The following RBM4 variants were observed in gnomAD, a reference collection of about 807,000 sequenced individuals.
RBM4 encodes RNA-binding protein 4.
Under a neutral mutation model 29.5 loss-of-function variants are expected in RBM4, and 7 were observed. The observed-to-expected ratio is 0.24, with a 90% CI of 0.14 to 0.45. The LOEUF is 0.45. Among genes scored for constraint, RBM4 ranks in the 20% least tolerant of loss-of-function variants. The pLI, the probability that RBM4 is intolerant of heterozygous loss-of-function variation, is 1.00. For synonymous variants in RBM4, 220 were observed against 205.4 expected (o/e 1.07, Z -0.61); for missense variants, 387 against 502.3 (o/e 0.77, Z 2.19).
intron 2 of RBM4, among the ~76,000 whole-genome samples, chr11:66,662,237 C>G (rs1267866755): frequency 6.6e-6 from 1 of 152,086 alleles, no homozygotes; most frequent in Non-Finnish European, 1.5e-5. Context: ...GTGGAATAAA[C>G]CACATTTCAG....
In RBM4 at chr11:66,644,160, C is replaced by T. The variant is rs774314780; in HGVS notation, c.*8+20C>T. 1 of 1,589,406 alleles carries T rather than the reference C, an allele frequency of 6.3e-7. No homozygotes were observed. Among genetic ancestry groups the T allele is most frequent in the Non-Finnish European group, 8.6e-7 (1 of 1,167,476 alleles). On this transcript the variant is annotated intron_variant, in intron 3 of 3. Coordinates refer to ENST00000310092, the MANE Select transcript of RBM4 (RefSeq NM_002896.4). ...CTTGAGGTGAGAGGGGTGGGGTGTTCCCTCTTCTGGTTTTGCCATCCCTCC... is the reference window on the plus strand; with the variant it reads ...CTTGAGGTGAGAGGGGTGGGGTGTTTCCTCTTCTGGTTTTGCCATCCCTCC...
At chr11:66,655,359 G>C (rs1404980208) in intron 2 of RBM4, among the ~76,000 whole-genome samples, 1 of 151,256 alleles carries the variant, frequency 6.6e-6, no homozygotes, top group Non-Finnish European at 1.5e-5. Flanking sequence ...GGGTGATCTT[G>C]GCTCACTGCA....
At chr11:66,640,298 A>C in intron 2 of RBM4, 175 bp downstream of exon 2, 1 of 839,616 alleles carries the variant, frequency 1.2e-6, no homozygotes, top group Non-Finnish European at 1.8e-6. Context: ...TAGGGGCTTT[A>C]CCTTAGGCAA....
intron 2 of RBM4, among the ~76,000 whole-genome samples, chr11:66,652,015 T>A (rs188063701): frequency 3.9e-5 from 6 of 152,272 alleles, no homozygotes; most frequent in Admixed American, 3.9e-4. Flanking sequence ...GATATTTACC[T>A]AGTTATGATC....
At chr11:66,657,245 G>A (rs1476887698) in intron 2 of RBM4, among the ~76,000 whole-genome samples, 2 of 150,370 alleles carry the variant, frequency 1.3e-5, no homozygotes, top group Admixed American at 1.3e-4. Flanking sequence ...CTTCCAAGTA[G>A]CTGGAACTAC....
intron 2 of RBM4, among the ~76,000 whole-genome samples, chr11:66,658,018 C>A (rs926671241): frequency 6.6e-6 from 1 of 151,974 alleles, no homozygotes; most frequent in Non-Finnish European, 1.5e-5. Flanking sequence ...CCTAGTCTGA[C>A]CCTTTTTTAA....
intron 2 of RBM4, among the ~76,000 whole-genome samples, chr11:66,663,580 T>C (rs562231292): frequency 6.6e-6 from 1 of 152,202 alleles, no homozygotes; most frequent in South Asian, 2.1e-4. Context: ...TCGTGTGCCT[T>C]GGCCTCCCAA....
rs1938557589 is a variant in RBM4 at position 66,643,484 on chromosome 11, G to A, written c.447G>A (p.Arg149=). 1 of 1,613,640 alleles carries A rather than the reference G, an allele frequency of 6.2e-7. No individual in the cohort carries two copies. Among genetic ancestry groups the A allele is most frequent in the Admixed American group, 1.7e-5 (1 of 60,014 alleles). The change falls in exon 3 of 4, where the codon CGG becomes CGA. Residue 149 remains arginine, a synonymous_variant. Transcript: ENST00000310092. The surrounding 1 kb of genome is among the most constrained non-coding windows in gnomAD (Gnocchi z 6.1). ...TGCACGTGCAGTTGTCCACCAGCCG[G>A]CTTAGGACTGCGCCCGGGATGGGAG... ...KRMHVQLSTS[R]LRTAPGMGDQ...
At chr11:66,638,854 C>G (rs977195636) in intron 1 of RBM4, 102 bp downstream of exon 1, 1 of 152,428 alleles carries the variant, frequency 6.6e-6, no homozygotes, top group Non-Finnish European at 1.5e-5. Flanking sequence ...AGTCTCCACA[C>G]CCGTCACTGA....
In RBM4 at chr11:66,643,886, TGCCACAGCTGCTGCTGCAGCAGCA is replaced by T; in HGVS notation, c.853_876del (p.Thr285_Ala292del). The T allele has an allele frequency of 6.2e-7, 1 of 1,613,404 alleles. No homozygotes were observed. The highest frequency in any genetic ancestry group is 1.6e-4 in the Middle Eastern group (1 of 6,062). Reference sequence around the variant, plus strand: ...ACCTGTTGCCGACCTCAGGAGCTGCTGCCACAGCTGCTGCTGCAGCAGCAGCCGCTGCTGCTGTTACTGCAGCTT... The same window carrying T: ...ACCTGTTGCCGACCTCAGGAGCTGCTGCCGCTGCTGCTGTTACTGCAGCTT... On this transcript the variant is annotated inframe_deletion, in exon 3 of 4. Coordinates refer to ENST00000310092, the MANE Select transcript of RBM4 (RefSeq NM_002896.4). This position sits in a 1 kb window ranked among gnomAD's most constrained non-coding sequence, Gnocchi z 6.1.
intron 2 of RBM4, among the ~76,000 whole-genome samples, chr11:66,655,293 TC>T: frequency 6.6e-6 from 1 of 151,260 alleles, no homozygotes. Flanking sequence ...GCACTTCTTT[TC>T]TTTTTTTTTT....
exon 3 of RBM4, chr11:66,666,520 A>G: frequency 1.1e-6 from 1 of 885,040 alleles, no homozygotes; most frequent in South Asian, 5.2e-5. Context: ...TTTAAAAGTC[A>G]TCGCTAAAAA....
Position 66,646,332 on chromosome 11 carries a change from C to G in RBM4, c.*314C>G, listed in dbSNP as rs1380983584. 2.4e-6 allele frequency: 3 copies of G among 1,274,694 alleles called. No homozygotes were observed. Among genetic ancestry groups the G allele is most frequent in the Non-Finnish European group, 3.0e-6 (3 of 1,005,120 alleles). 79.0% of individuals were successfully genotyped at this position (1,274,694 alleles called of 1,614,324 possible). ...GTGCTGTCTCCTCCCTGCCTCCTGC[C>G]TCCTGCGGCTGTTGGATTTGGGAAT... is the stretch of plus-strand genomic sequence containing the variant. On this transcript the variant is annotated 3_prime_UTR_variant, in exon 4 of 4. Coordinates refer to ENST00000310092, the MANE Select transcript of RBM4 (RefSeq NM_002896.4).
intron 2 of RBM4, among the ~76,000 whole-genome samples, chr11:66,661,792 A>G (rs557256126): frequency 6.6e-6 from 1 of 152,276 alleles, no homozygotes; most frequent in South Asian, 2.1e-4. Context: ...CACTTTGGGA[A>G]GCCGAGGTGG....
intron 2 of RBM4, among the ~76,000 whole-genome samples, chr11:66,664,398 C>T (rs1318352124): frequency 1.3e-5 from 2 of 152,054 alleles, no homozygotes; most frequent in Non-Finnish European, 2.9e-5. Context: ...GATCTGCCTG[C>T]CTCGGTCTCC....
Position 66,638,738 on chromosome 11 carries a change from C to G in RBM4, c.-27C>G, listed in dbSNP as rs1250525746. ...TCCGCGCCGCGAGGAGGAGGCCCTG[C>G]TGGTTTCTGTGCGGGTGAGACTCCG... On this transcript the variant is annotated 5_prime_UTR_variant, in exon 1 of 4. Transcript: ENST00000310092. The G allele has an allele frequency of 1.3e-5, 2 of 153,302 alleles. No homozygotes were observed. Among genetic ancestry groups the G allele is most frequent in the African/African-American group, 4.8e-5 (2 of 41,482 alleles). 9.5% of individuals were successfully genotyped at this position (153,302 alleles called of 1,614,324 possible).
chr11:66,644,964 A>G (rs1938629186), intron 3 of RBM4, among the ~76,000 whole-genome samples: 1 of 150,540 alleles, frequency 6.6e-6, no homozygotes. Context: ...CCACAGTTCT[A>G]GTTTTGACAT....
exon 3 of RBM4, chr11:66,666,251 G>A (rs934504633): frequency 2.8e-5 from 30 of 1,061,200 alleles, no homozygotes; most frequent in Non-Finnish European, 3.2e-5. Context: ...AATGGCTGGG[G>A]GAAAAAAAAA....
intron 2 of RBM4, chr11:66,665,581 G>C: frequency 6.5e-7 from 1 of 1,535,900 alleles, no homozygotes; most frequent in Non-Finnish European, 8.7e-7. Context: ...TATCCTACCT[G>C]AAAGAGAGCA....
Sources: allele counts gnomAD v4.1 joint callset (sites outside exome capture counted in the v4.1 genomes callset), GRCh38; gene constraint gnomAD v4.1.1; non-coding constraint Gnocchi (gnomAD v3.1); transcripts MANE v1.5; gene names NCBI Gene and HGNC (gene_info 2026-07-23, HGNC 2026-07-21).